The following CA5A variants were observed in gnomAD, a reference collection of about 807,000 sequenced individuals.
The protein encoded by CA5A is carbonic anhydrase 5A, also known as carbonic anhydrase 5A, mitochondrial.
In CA5A, 28 loss-of-function variants were observed where a neutral mutation model predicts 37.1. That is an observed-to-expected ratio of 0.75 (90% CI 0.56 to 1.03). The LOEUF (loss-of-function observed/expected upper bound fraction) is 1.03, where lower values mean the gene tolerates loss of function less well. Among genes scored for constraint, CA5A ranks in the 50% least tolerant of loss-of-function variants. The pLI, the probability that CA5A is intolerant of heterozygous loss-of-function variation, is 0.00. For synonymous variants in CA5A, 171 were observed against 158.4 expected (o/e 1.08, Z -0.60); for missense variants, 444 against 399.9 (o/e 1.11, Z -0.94).
At chr16:87,931,825 T>C (rs1467437885) in intron 1 of CA5A, among the ~76,000 whole-genome samples, 1 of 152,214 alleles carries the variant, frequency 6.6e-6, no homozygotes, top group African/African-American at 2.4e-5. Flanking sequence ...GATAGACAAC[T>C]ATGGACGCGG....
intron 2 of CA5A, among the ~76,000 whole-genome samples, chr16:87,909,451 A>G (rs1420281183): frequency 1.3e-5 from 2 of 152,210 alleles, no homozygotes; most frequent in South Asian, 2.1e-4. Context: ...TTCTAAGAGG[A>G]TAACTGCAAA....
At chr16:87,927,191 C>G (rs1358026413) in intron 1 of CA5A, among the ~76,000 whole-genome samples, 1 of 152,266 alleles carries the variant, frequency 6.6e-6, no homozygotes, top group Non-Finnish European at 1.5e-5. Flanking sequence ...CCCTCTGGGC[C>G]CATGCCACCT....
At position 87,896,187 on chromosome 16, in the gene CA5A, G is replaced by C. The variant is rs527388027; in HGVS notation, c.619-4233C>G. 2.0e-3 allele frequency among the ~76,000 whole-genome samples: 299 copies of C among 152,356 alleles called. 2 individuals carry two copies. Among genetic ancestry groups the C allele is most frequent in the Non-Finnish European group, 3.4e-3 (230 of 68,038 alleles). ...TTGCCCAAAGCCACGTTGCCAGTCA[G>C]GGCCACTGAGGCCTGGCCCGTTCCG... On this transcript the variant is annotated intron_variant, in intron 5 of 6. Coordinates refer to ENST00000649794, the MANE Select transcript of CA5A (RefSeq NM_001739.2).
At chr16:87,916,614 T>C (rs2056146738) in intron 2 of CA5A, among the ~76,000 whole-genome samples, 1 of 152,212 alleles carries the variant, frequency 6.6e-6, no homozygotes, top group Admixed American at 6.5e-5. Context: ...TATTCGTTTA[T>C]TTTTCTGTAA....
intron 1 of CA5A, among the ~76,000 whole-genome samples, chr16:87,935,125 C>T (rs775943184): frequency 3.5e-4 from 54 of 152,236 alleles, no homozygotes; most frequent in Admixed American, 2.2e-3. Context: ...AAGCGTCAGT[C>T]GGACTGCATG....
At chr16:87,889,297 G>A (rs973256784) in intron 6 of CA5A, among the ~76,000 whole-genome samples, 2 of 151,920 alleles carry the variant, frequency 1.3e-5, no homozygotes, top group African/African-American at 2.4e-5. Context: ...TCAGGTGATC[G>A]ACTTGCCTAG....
chr16:87,892,778 A>T (rs2055741547), intron 5 of CA5A, among the ~76,000 whole-genome samples: 1 of 148,066 alleles, frequency 6.8e-6, no homozygotes, highest in Non-Finnish European at 1.5e-5. Context: ...GGTTCAAGCG[A>T]TTCTCCTGCC....
chr16:87,900,376 C>A (rs1342090069), intron 5 of CA5A, among the ~76,000 whole-genome samples: 1 of 152,168 alleles, frequency 6.6e-6, no homozygotes, highest in African/African-American at 2.4e-5. Flanking sequence ...TCCCAGGAGG[C>A]CACCCCGAAG....
intron 3 of CA5A, among the ~76,000 whole-genome samples, chr16:87,904,486 CG>C (rs2143961710): frequency 6.6e-6 from 1 of 152,352 alleles, no homozygotes; most frequent in African/African-American, 2.4e-5. Context: ...GAGTGAAGTG[CG>C]GCAAAGAGCT....
chr16:87,925,103 G>C (rs1013589770), intron 2 of CA5A, among the ~76,000 whole-genome samples: 1 of 152,206 alleles, frequency 6.6e-6, no homozygotes, highest in African/African-American at 2.4e-5. Context: ...CAGTGAGTGA[G>C]CAAGATCCCC....
At chr16:87,932,562 G>A (rs1172424382) in intron 1 of CA5A, among the ~76,000 whole-genome samples, 3 of 152,184 alleles carry the variant, frequency 2.0e-5, no homozygotes, top group Non-Finnish European at 2.9e-5. Flanking sequence ...TAGGTTCTGT[G>A]CTAATTCCAG....
chr16:87,883,604 A>C (rs1334102515), downstream of CA5A: 3 of 146,718 alleles, frequency 2.0e-5, no homozygotes, highest in African/African-American at 7.6e-5. Flanking sequence ...TGCTGGGATT[A>C]CAGGCGTGAG....
chr16:87,896,043 C>A (rs962682047), intron 5 of CA5A, among the ~76,000 whole-genome samples: 3 of 152,248 alleles, frequency 2.0e-5, no homozygotes, highest in African/African-American at 7.2e-5. Flanking sequence ...GCCTGCCACA[C>A]ATCCCCAGGG....
intron 2 of CA5A, among the ~76,000 whole-genome samples, chr16:87,917,822 AAC>A (rs1318998996): frequency 1.4e-5 from 2 of 143,322 alleles, no homozygotes; most frequent in African/African-American, 2.6e-5. Flanking sequence ...CATGCACACG[AAC>A]ACACATGCAC....
chr16:87,934,552 A>G (rs1344763044), intron 1 of CA5A, among the ~76,000 whole-genome samples: 2 of 151,552 alleles, frequency 1.3e-5, no homozygotes, highest in Non-Finnish European at 2.9e-5. Flanking sequence ...CTGGGCAACA[A>G]GACAGAAATT....
intron 2 of CA5A, among the ~76,000 whole-genome samples, chr16:87,906,483 T>C (rs1344052092): frequency 2.0e-5 from 3 of 151,858 alleles, no homozygotes; most frequent in East Asian, 1.9e-4. Flanking sequence ...AAAAATTAGC[T>C]GGGTGTGGTG....
At chr16:87,916,136 C>T (rs2056139169) in intron 2 of CA5A, among the ~76,000 whole-genome samples, 1 of 148,440 alleles carries the variant, frequency 6.7e-6, no homozygotes, top group Non-Finnish European at 1.5e-5. Flanking sequence ...CCACTGCACT[C>T]CAGCCTGGGT....
chr16:87,929,253 A>C (rs1214374850), intron 1 of CA5A, among the ~76,000 whole-genome samples: 3 of 150,052 alleles, frequency 2.0e-5, no homozygotes, highest in African/African-American at 7.3e-5. Flanking sequence ...GGAGTTTGAG[A>C]CCAGCCTGGC....
intron 2 of CA5A, among the ~76,000 whole-genome samples, chr16:87,922,664 C>A (rs1013862473): frequency 4.6e-5 from 7 of 152,254 alleles, no homozygotes; most frequent in Admixed American, 4.6e-4. Flanking sequence ...AGCCAGAGGC[C>A]CGTCTGGGCC....
Sources: allele counts gnomAD v4.1 joint callset (sites outside exome capture counted in the v4.1 genomes callset), GRCh38; gene constraint gnomAD v4.1.1; transcripts MANE v1.5; gene names NCBI Gene and HGNC (gene_info 2026-07-23, HGNC 2026-07-21).